The following FOXP1 variants were observed in gnomAD, a reference collection of about 807,000 sequenced individuals.
FOXP1 encodes forkhead box P1, also known as forkhead box protein P1.
In FOXP1, 15 loss-of-function variants were observed where a neutral mutation model predicts 98.2. That is an observed-to-expected ratio of 0.15 (90% CI 0.10 to 0.24). The LOEUF (loss-of-function observed/expected upper bound fraction) is 0.24, where lower values mean the gene tolerates loss of function less well. Ranked by LOEUF, FOXP1 falls within the 10% of genes least tolerant of loss-of-function variation. The pLI is 1.00. For synonymous variants in FOXP1, 371 were observed against 314.5 expected (o/e 1.18, Z -1.90); for missense variants, 633 against 848.5 (o/e 0.75, Z 3.15).
At chr3:71,116,113 A>G (rs1274214437) in intron 6 of FOXP1, among the ~76,000 whole-genome samples, 4 of 152,234 alleles carry the variant, frequency 2.6e-5, no homozygotes, top group Non-Finnish European at 5.9e-5. Context: ...TAAGTTTTCA[A>G]CAAATGCTTA....
At chr3:71,400,691 C>A (rs2081902423) in intron 3 of FOXP1, among the ~76,000 whole-genome samples, 1 of 152,140 alleles carries the variant, frequency 6.6e-6, no homozygotes, top group South Asian at 2.1e-4. Context: ...TGTGGACTTT[C>A]ATCTGAATAC....
At chr3:71,382,976 G>T (rs1014326651) in intron 3 of FOXP1, among the ~76,000 whole-genome samples, 1 of 152,200 alleles carries the variant, frequency 6.6e-6, no homozygotes, top group Non-Finnish European at 1.5e-5. Flanking sequence ...GTGGGTATGA[G>T]AACTTGAAAA....
chr3:70,957,744 AGTTTTT>A lies in FOXP1; in HGVS notation c.*1497_*1502del, dbSNP rs1260457121. ...CAGGGCCTACATGATATCTTCTATG[AGTTTTT>A]GTGATACTGGGTTGGTGATATAATA... On this transcript the variant is annotated 3_prime_UTR_variant, in exon 21 of 21. Coordinates refer to ENST00000649528, the MANE Select transcript of FOXP1 (RefSeq NM_001349338.3). The A allele has an allele frequency of 5.1e-5, 12 of 233,580 alleles. No individual in the cohort carries two copies. Among genetic ancestry groups the A allele is most frequent in the Non-Finnish European group, 9.3e-5 (11 of 118,130 alleles). The allele number at this position is 233,580 out of a possible 1,614,324, so 14.5% of individuals were successfully genotyped here.
chr3:71,373,039 G>T (rs1025442656), intron 3 of FOXP1, among the ~76,000 whole-genome samples: 3 of 152,104 alleles, frequency 2.0e-5, no homozygotes, highest in African/African-American at 7.2e-5. Flanking sequence ...AGAAAAGTAG[G>T]TACTAAAATT....
intron 2 of FOXP1, among the ~76,000 whole-genome samples, chr3:71,493,947 A>G (rs2091234758): frequency 6.6e-6 from 1 of 152,216 alleles, no homozygotes; most frequent in Non-Finnish European, 1.5e-5. Context: ...GAACAAAAAA[A>G]GTAAAAAATT....
chr3:71,342,778 T>G (rs1383350713), intron 4 of FOXP1, among the ~76,000 whole-genome samples: 3 of 152,034 alleles, frequency 2.0e-5, no homozygotes, highest in Non-Finnish European at 4.4e-5. Context: ...CCACAAGAAG[T>G]TGCAAAAATA....
chr3:71,057,775 G>A (rs929523726), intron 7 of FOXP1, among the ~76,000 whole-genome samples: 1 of 152,106 alleles, frequency 6.6e-6, no homozygotes, highest in Non-Finnish European at 1.5e-5. Context: ...GATACCAACT[G>A]GGTGTGGTCG....
chr3:70,977,614 GA>G, intron 16 of FOXP1, 28 bp downstream of exon 16: 1 of 1,555,856 alleles, frequency 6.4e-7, no homozygotes, highest in East Asian at 2.2e-5. Flanking sequence ...CCTTCTGACA[GA>G]ATTTCATATA....
intron 2 of FOXP1, among the ~76,000 whole-genome samples, chr3:71,535,581 G>A (rs908329227): frequency 2.6e-5 from 4 of 152,148 alleles, no homozygotes; most frequent in African/African-American, 9.7e-5. Context: ...CAAAATGTTA[G>A]CTTGGACGTG....
Position 71,231,939 on chromosome 3 carries a change from T to C in FOXP1, c.-11-33547A>G, listed in dbSNP as rs1158162797. ...GCCACATCCATTTCCTGGGTGATCC[T>C]TCAATTGCATGTGCAAAGAATTATG... On this transcript the variant is annotated intron_variant, in intron 5 of 20. Coordinates refer to ENST00000649528, the MANE Select transcript of FOXP1 (RefSeq NM_001349338.3). 1.3e-5 allele frequency among the ~76,000 whole-genome samples: 2 copies of C among 152,258 alleles called. 1 individual carries two copies. Among genetic ancestry groups the C allele is most frequent in the Admixed American group, 1.3e-4 (2 of 15,282 alleles).
intron 3 of FOXP1, among the ~76,000 whole-genome samples, chr3:71,406,403 G>GTATGTA (rs112681983): frequency 1.9e-5 from 2 of 107,962 alleles, no homozygotes; most frequent in South Asian, 2.7e-4. Context: ...ATAACTGTAT[G>GTATGTA]TGTATATATA....
At chr3:71,117,086 A>C (rs1057459015) in intron 6 of FOXP1, among the ~76,000 whole-genome samples, 6 of 132,736 alleles carry the variant, frequency 4.5e-5, no homozygotes, top group African/African-American at 1.9e-4. Flanking sequence ...CCCAGAGATA[A>C]ATCTTTTTTT....
intron 20 of FOXP1, among the ~76,000 whole-genome samples, chr3:70,965,450 G>C (rs1232748456): frequency 6.6e-6 from 1 of 152,192 alleles, no homozygotes; most frequent in African/African-American, 2.4e-5. Context: ...TTAATGGTTG[G>C]TAATAATGCT....
intron 5 of FOXP1, among the ~76,000 whole-genome samples, chr3:71,292,120 T>C (rs767521002): frequency 1.4e-4 from 21 of 152,174 alleles, no homozygotes; most frequent in East Asian, 1.9e-4. Context: ...CTTTAAAGTA[T>C]GGAATTTGTA....
At chr3:71,244,271 C>T (rs1005825877) in intron 5 of FOXP1, among the ~76,000 whole-genome samples, 1 of 152,166 alleles carries the variant, frequency 6.6e-6, no homozygotes, top group Admixed American at 6.5e-5. Context: ...AACTCCACTA[C>T]ATAAAAGCTG....
intron 6 of FOXP1, among the ~76,000 whole-genome samples, chr3:71,186,573 T>C (rs910581278): frequency 6.6e-6 from 1 of 152,076 alleles, no homozygotes; most frequent in Admixed American, 6.5e-5. Flanking sequence ...TAGCTGGGTG[T>C]GGTGGCGCAA....
intron 6 of FOXP1, among the ~76,000 whole-genome samples, chr3:71,116,350 A>G (rs1522168): frequency 0.067 from 10,268 of 152,186 alleles, 978 homozygotes; most frequent in African/African-American, 0.21. Context: ...GCACGGGGGG[A>G]AAAGGTTTGC....
Position 71,317,106 on chromosome 3 carries a change from C to T in FOXP1, c.-72-17226G>A, listed in dbSNP as rs565017765. On this transcript the variant is annotated intron_variant, in intron 4 of 20. Coordinates refer to ENST00000649528, the MANE Select transcript of FOXP1 (RefSeq NM_001349338.3). Reference sequence around the variant, plus strand: ...ATTTATCATGGAAATTCTAACAGCTCCTACTTTCTACTCCACTTTTACTAC... The same window carrying T: ...ATTTATCATGGAAATTCTAACAGCTTCTACTTTCTACTCCACTTTTACTAC... Among the ~76,000 whole-genome samples the T allele has an allele frequency of 8.4e-4, 128 of 152,264 alleles. 1 individual carries two copies. Among genetic ancestry groups the T allele is most frequent in the Non-Finnish European group, 1.1e-3 (72 of 68,020 alleles).
intron 3 of FOXP1, among the ~76,000 whole-genome samples, chr3:71,404,587 C>A (rs1053383392): frequency 3.3e-5 from 5 of 151,086 alleles, no homozygotes; most frequent in African/African-American, 9.7e-5. Flanking sequence ...AAAAAAAAAA[C>A]CCATAATTGT....
Sources: allele counts gnomAD v4.1 joint callset (sites outside exome capture counted in the v4.1 genomes callset), GRCh38; gene constraint gnomAD v4.1.1; transcripts MANE v1.5; gene names NCBI Gene and HGNC (gene_info 2026-07-23, HGNC 2026-07-21).